Variants in IQSEC3 observed in about 807,000 individuals in gnomAD.
The protein encoded by IQSEC3 is IQ motif and SEC7 domain-containing protein 3.
A neutral mutation model predicts 105.4 loss-of-function variants in IQSEC3; 50 were observed. The ratio of observed to expected loss-of-function variants is 0.47; its 90% CI spans 0.38 to 0.60. The LOEUF (loss-of-function observed/expected upper bound fraction) is 0.60, where lower values mean the gene tolerates loss of function less well. Ranked by LOEUF, IQSEC3 falls within the 20% of genes least tolerant of loss-of-function variation. The pLI, the probability that IQSEC3 is intolerant of heterozygous loss-of-function variation, is 0.00. For missense variants in IQSEC3, 1,415 were observed against 1,630.0 expected (o/e 0.87, Z 2.27); for synonymous variants, 708 against 746.0 (o/e 0.95, Z 0.83).
At chr12:90,656 C>T (rs1864055126) in intron 1 of IQSEC3, among the ~76,000 whole-genome samples, 2 of 152,102 alleles carry the variant, frequency 1.3e-5, no homozygotes, top group South Asian at 4.2e-4. Context: ...CTATTTCTGG[C>T]TTCTCTTTTT....
At chr12:93,568 G>A (rs536563771) in intron 1 of IQSEC3, among the ~76,000 whole-genome samples, 66 of 152,314 alleles carry the variant, frequency 4.3e-4, no homozygotes, top group African/African-American at 1.3e-3. Context: ...TGGAGGCAGC[G>A]TCAGAGGATG....
intron 1 of IQSEC3, among the ~76,000 whole-genome samples, chr12:87,690 A>T (rs1863960357): frequency 1.3e-5 from 2 of 152,202 alleles, no homozygotes; most frequent in Non-Finnish European, 2.9e-5. Flanking sequence ...GCATGTTTAT[A>T]TGCTGAAGAA....
At chr12:163,063 A>G (rs3902268) in intron 8 of IQSEC3, among the ~76,000 whole-genome samples, 46,747 of 151,896 alleles carry the variant, frequency 0.31, 8,027 homozygotes, top group Admixed American at 0.43. Context: ...CAGGGGGTGA[A>G]CGTGCGAGGG....
intron 5 of IQSEC3, 127 bp downstream of exon 5, chr12:141,412 C>T (rs2291927): frequency 0.24 from 238,876 of 1,012,692 alleles, 29,947 homozygotes; most frequent in South Asian, 0.39. Flanking sequence ...AGATTGTCCA[C>T]AGGAACCAGA....
At chr12:119,114 G>A (rs1373527288) in intron 2 of IQSEC3, among the ~76,000 whole-genome samples, 3 of 152,226 alleles carry the variant, frequency 2.0e-5, no homozygotes, top group Non-Finnish European at 4.4e-5. Context: ...AAAGTTGGGT[G>A]TGGTTCTCAA....
At chr12:126,493 CA>C (rs1865414937) in intron 3 of IQSEC3, among the ~76,000 whole-genome samples, 1 of 151,442 alleles carries the variant, frequency 6.6e-6, no homozygotes, top group African/African-American at 2.4e-5. Flanking sequence ...ATTGAACCCC[CA>C]AAAAAGATAA....
At chr12:74,038 A>T (rs1225867493) in intron 1 of IQSEC3, among the ~76,000 whole-genome samples, 2 of 152,384 alleles carry the variant, frequency 1.3e-5, no homozygotes, top group Admixed American at 1.3e-4. Context: ...CCGATGCCCC[A>T]TGGTGAGAAC....
In IQSEC3 at chr12:157,697, G is replaced by A; in HGVS notation, c.2443+3G>A. The A allele has an allele frequency of 6.2e-7, 1 of 1,610,500 alleles. No homozygotes were observed. Among genetic ancestry groups the A allele is most frequent in the Non-Finnish European group, 8.5e-7 (1 of 1,177,708 alleles). On this transcript the variant is annotated splice_donor_region_variant and intron_variant, in intron 7 of 13. Transcript: ENST00000538872. ...GGACTTCATCCGAAACCTTCGAGGT[G>A]AGGAGGTGGGCACTGGGGCAGGAGG...
At chr12:151,720 C>T (rs1866517735) in intron 5 of IQSEC3, among the ~76,000 whole-genome samples, 1 of 152,200 alleles carries the variant, frequency 6.6e-6, no homozygotes, top group Non-Finnish European at 1.5e-5. Flanking sequence ...TGGCTGCTGC[C>T]CCACAGTCAC....
At chr12:76,945 G>A (rs1863556072) in intron 1 of IQSEC3, among the ~76,000 whole-genome samples, 2 of 152,360 alleles carry the variant, frequency 1.3e-5, no homozygotes, top group African/African-American at 4.8e-5. Context: ...CCCATCCCAG[G>A]CAGAGAGACA....
chr12:129,397 C>T (rs1485002001), intron 3 of IQSEC3, among the ~76,000 whole-genome samples: 9 of 152,298 alleles, frequency 5.9e-5, no homozygotes, highest in East Asian at 1.9e-4. Context: ...AATGAGCAAA[C>T]GAGGCCTACC....
chr12:105,439 A>T (rs1235061500), intron 2 of IQSEC3, among the ~76,000 whole-genome samples: 3 of 152,112 alleles, frequency 2.0e-5, no homozygotes, highest in Non-Finnish European at 2.9e-5. Context: ...GCTCCTGTGG[A>T]TTGGGCTTTG....
chr12:105,169 G>T (rs1380151584), intron 2 of IQSEC3, among the ~76,000 whole-genome samples: 4 of 152,254 alleles, frequency 2.6e-5, no homozygotes, highest in African/African-American at 9.6e-5. Context: ...TCTGCCTCCC[G>T]CCCCAGGAAA....
intron 2 of IQSEC3, among the ~76,000 whole-genome samples, chr12:117,541 T>C (rs1865087499): frequency 6.6e-6 from 1 of 152,012 alleles, no homozygotes; most frequent in Non-Finnish European, 1.5e-5. Flanking sequence ...CATTCGCCCA[T>C]GGGGACAGTC....
chr12:136,181 A>G (rs1865758583), intron 3 of IQSEC3, among the ~76,000 whole-genome samples: 1 of 152,214 alleles, frequency 6.6e-6, no homozygotes, highest in Admixed American at 6.5e-5. Flanking sequence ...CCATTTACAC[A>G]TTAATCTGCG....
intron 11 of IQSEC3, 136 bp downstream of exon 11, chr12:166,026 C>T: frequency 2.3e-6 from 2 of 878,850 alleles, no homozygotes. Context: ...CCCCACCGCA[C>T]CACACTCCCA....
At position 68,530 on chromosome 12, in the gene IQSEC3, C is replaced by T. The variant is rs562764123; in HGVS notation, c.554+1094C>T. 6.6e-5 allele frequency among the ~76,000 whole-genome samples: 10 copies of T among 152,342 alleles called. No homozygotes were observed. In the South Asian group the frequency reaches 1.2e-3, roughly 19 times the overall value. On this transcript the variant is annotated intron_variant, in intron 1 of 13. Transcript: ENST00000538872. The stretch of plus-strand genomic sequence containing the variant: ...ATGAAAGTGTCTGGGATGTTCTCTC[C>T]TCTGTACTGGAAAGGCTGTGGCCAT...
chr12:175,413 G>A lies in IQSEC3; in HGVS notation c.*380G>A. The A allele has an allele frequency of 4.9e-6, 1 of 205,844 alleles. No homozygotes were observed. Among genetic ancestry groups the A allele is most frequent in the Non-Finnish European group, 9.7e-6 (1 of 103,518 alleles). 12.8% of individuals were successfully genotyped at this position (205,844 alleles called of 1,614,324 possible). ...CCGGGGCCTCGGGCCTTGGGCAGCA[G>A]CATGAGGCTGGGCCGGCCGGCAGTG... On this transcript the variant is annotated 3_prime_UTR_variant, in exon 14 of 14. Coordinates refer to ENST00000538872, the MANE Select transcript of IQSEC3 (RefSeq NM_001170738.2).
In IQSEC3 at chr12:173,586, G is replaced by A. The variant is rs187916889; in HGVS notation, c.3115-1013G>A. Among the ~76,000 whole-genome samples, 448 of 152,314 alleles carry A rather than the reference G, an allele frequency of 2.9e-3. 5 individuals are homozygous for A. The highest frequency in any genetic ancestry group is 0.01 in the African/African-American group (425 of 41,558). ...GTGCTCTGAGCACTGGCCCCAGGTG[G>A]TGCTGCCCGAGGACAGATGTCAGCC... is the stretch of plus-strand genomic sequence containing the variant. On this transcript the variant is annotated intron_variant, in intron 13 of 13. Transcript: ENST00000538872.
Sources: gnomAD v4.1 joint callset for allele counts (sites outside exome capture counted in the v4.1 genomes callset) on GRCh38, gnomAD v4.1.1 for gene constraint, MANE v1.5 for transcripts, NCBI Gene and HGNC (gene_info 2026-07-23, HGNC 2026-07-21) for gene names.